The following ANO9 variants were observed in gnomAD, a reference collection of about 807,000 sequenced individuals.
ANO9 encodes anoctamin-9.
A neutral mutation model predicts 100.5 loss-of-function variants in ANO9; 80 were observed. The ratio of observed to expected loss-of-function variants is 0.80; its 90% confidence interval spans 0.66 to 0.96. The LOEUF is 0.96. Among genes scored for constraint, ANO9 ranks in the 40% least tolerant of loss-of-function variants. The pLI is 0.00. For synonymous variants in ANO9, 473 were observed against 435.6 expected, an observed-to-expected ratio of 1.09 and a Z score of -1.07; for missense variants, 1,064 against 1,072.7, an observed-to-expected ratio of 0.99 and a Z score of 0.11.
At position 441,111 on chromosome 11, in the gene ANO9, G is replaced by A. The variant is rs369403394; in HGVS notation, c.6+810C>T. On this transcript the variant is annotated intron_variant, in intron 1 of 22. Transcript: ENST00000332826. ...AGACCTGGATGTGGAGGGCCGAGGA[G>A]AGCCCTGGGCGGAGATGGAGCAAGA... is the stretch of plus-strand genomic sequence containing the variant. 2.4e-4 allele frequency among the ~76,000 whole-genome samples: 37 copies of A among 152,314 alleles called. No individual in the cohort carries two copies. In the East Asian group the frequency reaches 4.4e-3, roughly 18 times the overall value.
chr11:428,839 C>T lies in ANO9; in HGVS notation c.916-13G>A, dbSNP rs368659312. The T allele has an allele frequency of 1.1e-5, 18 of 1,611,640 alleles. No individual in the cohort carries two copies. The South Asian group carries it at 2.0e-4, about 18-fold the overall frequency. On this transcript the variant is annotated splice_polypyrimidine_tract_variant and intron_variant, in intron 11 of 22. Transcript: ENST00000332826. ...GTGCCATTTCCTCCTGGGGAGAGCA[C>T]CGGGCAAGCCTCAGACAAGGGACAC...
intron 1 of ANO9, among the ~76,000 whole-genome samples, chr11:435,080 A>G (rs1486150481): frequency 6.6e-6 from 1 of 152,172 alleles, no homozygotes; most frequent in African/African-American, 2.4e-5. Context: ...AGAAGGATAT[A>G]GTATTGTAGT....
intron 1 of ANO9, among the ~76,000 whole-genome samples, chr11:436,069 T>A (rs1235889752): frequency 4.9e-5 from 7 of 142,304 alleles, no homozygotes; most frequent in African/African-American, 1.8e-4. Context: ...TTTCCTTTTT[T>A]TTTTTTTTTT....
chr11:432,608 G>A lies in ANO9; in HGVS notation c.351-554C>T, dbSNP rs1458064788. ...ACCCCAGGGCACGTCGCAGGTATGCGCCCCCCAAGCCTGCTCCCGTCAGCC... is the reference window on the plus strand; with the variant it reads ...ACCCCAGGGCACGTCGCAGGTATGCACCCCCCAAGCCTGCTCCCGTCAGCC... On this transcript the variant is annotated intron_variant, in intron 4 of 22. Coordinates refer to ENST00000332826, the MANE Select transcript of ANO9 (RefSeq NM_001012302.3). This position sits in a 1 kb window ranked among gnomAD's most constrained non-coding sequence, Gnocchi z 4.8. 8 of 156,966 alleles carry A rather than the reference G, an allele frequency of 5.1e-5. No homozygotes were observed. The South Asian group carries it at 7.6e-4, about 15-fold the overall frequency. 9.7% of individuals were successfully genotyped at this position (156,966 alleles called of 1,614,324 possible).
In ANO9 at chr11:419,639, C is replaced by T. The variant is rs765622452; in HGVS notation, c.1877G>A (p.Arg626Gln). 14 of 1,613,454 alleles carry T rather than the reference C, an allele frequency of 8.7e-6. No homozygotes were observed. The highest frequency in any genetic ancestry group is 2.7e-5 in the African/African-American group (2 of 74,898). The change falls in exon 20 of 23, where the codon CGA (arginine) becomes CAA (glutamine). Residue 626 changes from arginine (R) to glutamine (Q), a missense_variant. Arg to Gln is a conservative substitution (Grantham distance 43). Coordinates refer to ENST00000332826, the MANE Select transcript of ANO9 (RefSeq NM_001012302.3). ...VIAFTSEFIP[R>Q]VVYKYRYSPC... The stretch of plus-strand genomic sequence containing the variant: ...GCTATAGCGGTACTTGTAGACCACT[C>T]GGGGGATGAACTCAGATGTGAAGGC...
rs146164679 is a variant in ANO9 at position 424,430 on chromosome 11, T to C, written c.1335-3232A>G. On this transcript the variant is annotated intron_variant, in intron 15 of 22. Coordinates refer to ENST00000332826, the MANE Select transcript of ANO9 (RefSeq NM_001012302.3). ...GCTGTGTGTCCTGGAGATAATTTCT[T>C]AACCTCTCTGGTCCTCAGTCATCTA... Among the ~76,000 whole-genome samples the C allele has an allele frequency of 4.0e-3, 613 of 152,334 alleles. 4 individuals are homozygous for C. Among genetic ancestry groups the C allele is most frequent in the Middle Eastern group, 0.02 (6 of 294 alleles).
chr11:424,993 G>C (rs1300445208), intron 15 of ANO9, among the ~76,000 whole-genome samples: 2 of 138,160 alleles, frequency 1.4e-5, no homozygotes. Flanking sequence ...AAAAGGCGGC[G>C]GGGAGACGGG....
chr11:436,979 AGCAGTGG>A (rs1849647083), intron 1 of ANO9, among the ~76,000 whole-genome samples: 1 of 93,024 alleles, frequency 1.1e-5, no homozygotes, highest in Non-Finnish European at 2.0e-5. Context: ...GCAGGGGGTG[AGCAGTGG>A]GTGAGCGGGA....
intron 7 of ANO9, 40 bp from the exon 8 acceptor site, chr11:430,443 G>T: frequency 1.3e-6 from 2 of 1,491,898 alleles, no homozygotes; most frequent in Non-Finnish European, 1.8e-6. Context: ...TCAGGGGGCG[G>T]TGGGGGAGGG....
At position 433,487 on chromosome 11, in the gene ANO9, A is replaced by ACCTCAGAACCCTCCCCGCTCTATCCCG. The variant is rs758342822; in HGVS notation, c.205-55_205-29dup. On this transcript the variant is annotated intron_variant, in intron 3 of 22. Coordinates refer to ENST00000332826, the MANE Select transcript of ANO9 (RefSeq NM_001012302.3). ...GGGGGCACATGGGATCCTCTATCCC[A>ACCTCAGAACCCTCCCCGCTCTATCCCG]CCTCAGAACCCTCCCCGCTCTATCC... The ACCTCAGAACCCTCCCCGCTCTATCCCG allele has an allele frequency of 1.8e-5, 29 of 1,604,442 alleles. No individual in the cohort carries two copies. The African/African-American group carries it at 2.9e-4, about 16-fold the overall frequency.
At position 431,739 on chromosome 11, in the gene ANO9, G is replaced by T. The variant is rs751644925; in HGVS notation, c.494C>A (p.Ala165Glu). The stretch of plus-strand genomic sequence containing the variant: ...CTCCCGGAACATGTGTCTCCACCGC[G>T]CCCACGTCTTCTTCAGGCGTCCCTC... Reference protein sequence around the residue: ...KGEGRLKKTWARWRHMFREQP... With the variant: ...KGEGRLKKTWERWRHMFREQP... Residue 165 changes from alanine to glutamate, a missense_variant, in exon 7 of 23, where the codon GCG becomes GAG. Physicochemically the swap from Ala to Glu is moderately radical, Grantham distance 107. Transcript: ENST00000332826. 1 of 1,612,636 alleles carries T rather than the reference G, an allele frequency of 6.2e-7. No homozygotes were observed. The highest frequency in any genetic ancestry group is 1.1e-5 in the South Asian group (1 of 91,084).
chr11:439,370 G>A (rs947589557), intron 1 of ANO9, among the ~76,000 whole-genome samples: 1 of 124,308 alleles, frequency 8.0e-6, no homozygotes, highest in Non-Finnish European at 1.6e-5. Flanking sequence ...GACAGAGCTG[G>A]GGGTCCTGCC....
In ANO9 at chr11:418,734, C is replaced by T. The variant is rs757150834; in HGVS notation, c.2116G>A (p.Val706Ile). 1.1e-5 allele frequency: 17 copies of T among 1,612,796 alleles called. No individual in the cohort carries two copies. The highest frequency in any genetic ancestry group is 2.2e-5 in the East Asian group (1 of 44,902). ...WFLLAIRLAF[V>I]ILFEHVALCI... Reference sequence around the variant, plus strand: ...TTCTGGCTCACCTCAAAGAGGATGACGAAGGCCAGGCGGATGGCCAGGAGG... The same window carrying T: ...TTCTGGCTCACCTCAAAGAGGATGATGAAGGCCAGGCGGATGGCCAGGAGG... The change falls in exon 22 of 23, where the codon GTC becomes ATC. Residue 706 changes from valine (V) to isoleucine (I), a missense_variant. Val to Ile is a conservative substitution (Grantham distance 29). Transcript: ENST00000332826.
chr11:430,041 C>T (rs1275681184), intron 9 of ANO9, 42 bp downstream of exon 9: 2 of 1,536,944 alleles, frequency 1.3e-6, no homozygotes. Context: ...TGCACCGTTC[C>T]CATCTTCCGC....
Position 433,886 on chromosome 11 carries a change from G to T in ANO9, c.133C>A (p.Gln45Lys). The T allele has an allele frequency of 6.4e-7, 1 of 1,563,940 alleles. No individual in the cohort carries two copies. The highest frequency in any genetic ancestry group is 1.9e-5 in the Admixed American group (1 of 51,650). ...DYVLVAQRHT[Q>K]RDPRQARQQQ... Reference sequence around the variant, plus strand: ...TGCCGCGCCTGCCGGGGGTCTCTCTGGGTGTGACGTTGGGCCACGAGGACA... The same window carrying T: ...TGCCGCGCCTGCCGGGGGTCTCTCTTGGTGTGACGTTGGGCCACGAGGACA... Residue 45 changes from glutamine (Q) to lysine (K), a missense_variant, in exon 3 of 23, where the codon CAG becomes AAG. Transcript: ENST00000332826.
rs759791516 is a variant in ANO9 at position 418,435 on chromosome 11, C to T, written c.2285G>A (p.Arg762Gln). The change falls in exon 23 of 23, where the codon CGG becomes CAG. Residue 762 changes from arginine (R) to glutamine (Q), a missense_variant. Coordinates refer to ENST00000332826, the MANE Select transcript of ANO9 (RefSeq NM_001012302.3). ...QRLGGVGAGS[R>Q]PPMPAHPTPA... The stretch of plus-strand genomic sequence containing the variant: ...GGTGGGATGGGCAGGCATTGGGGGC[C>T]GAGAGCCTGCCCCCACCCCACCCAG... 12 of 1,612,614 alleles carry T rather than the reference C, an allele frequency of 7.4e-6. No homozygotes were observed. Among genetic ancestry groups the T allele is most frequent in the Middle Eastern group, 1.7e-4 (1 of 6,056 alleles).
At chr11:425,094 G>GCAC (rs1177883930) in intron 15 of ANO9, among the ~76,000 whole-genome samples, 31 of 3,368 alleles carry the variant, frequency 9.2e-3, no homozygotes, top group Middle Eastern at 0.25. Context: ...GGAAAAGGCG[G>GCAC]CGTGGAGAGA....
At chr11:440,092 G>A (rs917110436) in intron 1 of ANO9, among the ~76,000 whole-genome samples, 8 of 152,110 alleles carry the variant, frequency 5.3e-5, no homozygotes, top group African/African-American at 1.7e-4. Context: ...TGAGAATCAG[G>A]GTGCAGTTGG....
In ANO9 at chr11:433,822, T is replaced by G; in HGVS notation, c.197A>C (p.His66Pro). The change falls in exon 3 of 23, where the codon CAC (histidine) becomes CCC (proline). Residue 66 changes from histidine (H) to proline (P), a missense_variant. Transcript: ENST00000332826. ...CGCTGGGCACCCGCCCACCTTAATG[T>G]GGAAGCCCTTTCTCCTGAGCTCCTC... ...FLEELRRKGF[H>P]IKVIRDQKQV... The G allele has an allele frequency of 1.3e-6, 2 of 1,561,006 alleles. No individual in the cohort carries two copies. The highest frequency in any genetic ancestry group is 8.7e-7 in the Non-Finnish European group (1 of 1,152,948).
Sources: allele counts gnomAD v4.1 joint callset (sites outside exome capture counted in the v4.1 genomes callset), GRCh38; gene constraint gnomAD v4.1.1; non-coding constraint Gnocchi (gnomAD v3.1); transcripts MANE v1.5; gene names NCBI Gene and HGNC (gene_info 2026-07-23, HGNC 2026-07-21).